Variants in TICRR observed in about 807,000 individuals in gnomAD.
TICRR encodes treslin.
TICRR carries 132 observed loss-of-function variants against 178.1 expected under a neutral mutation model. The ratio of observed to expected loss-of-function variants is 0.74; its 90% confidence interval spans 0.64 to 0.86. The LOEUF (loss-of-function observed/expected upper bound fraction) is 0.86, where lower values mean the gene tolerates loss of function less well. TICRR is among the 40% of genes least tolerant of loss of function. The pLI is 0.00. For synonymous variants in TICRR, 991 were observed against 900.7 expected, an observed-to-expected ratio of 1.10 and a Z score of -1.79; for missense variants, 2,587 against 2,334.3, an observed-to-expected ratio of 1.11 and a Z score of -2.23.
chr15:89,592,003 C>A, intron 4 of TICRR, 44 bp from the exon 5 acceptor site: 1 of 1,577,756 alleles, frequency 6.3e-7, no homozygotes, highest in South Asian at 1.1e-5. Context: ...TGCTTTGGTT[C>A]TCATGCTGTT....
At chr15:89,576,533 G>T (rs1962617920) in intron 1 of TICRR, among the ~76,000 whole-genome samples, 1 of 151,852 alleles carries the variant, frequency 6.6e-6, no homozygotes, top group Non-Finnish European at 1.5e-5. Flanking sequence ...AAATCAACAG[G>T]TCTGGACTGC....
rs1449403811 is a variant in TICRR at position 89,625,456 on chromosome 15, C to T, written c.5146C>T (p.Leu1716Phe). ...GADLPGSLSL[L>F]ESEGKDHGLE... is the part of the protein sequence containing the mutation. ...AGACCTTCCTGGGAGCCTGTCACTG[C>T]TTGAGTCAGAGGGCAAGGACCACGG... Residue 1716 changes from leucine (L) to phenylalanine (F), a missense_variant, in exon 20 of 22, where the codon CTT becomes TTT. By Grantham distance (22) the Leu-to-Phe change is conservative. Transcript: ENST00000268138. 3 of 1,613,862 alleles carry T rather than the reference C, an allele frequency of 1.9e-6. No individual in the cohort carries two copies. Among genetic ancestry groups the T allele is most frequent in the Non-Finnish European group, 2.5e-6 (3 of 1,180,008 alleles).
intron 1 of TICRR, among the ~76,000 whole-genome samples, chr15:89,576,926 T>C (rs1347160374): frequency 6.6e-6 from 1 of 150,722 alleles, no homozygotes; most frequent in Non-Finnish European, 1.5e-5. Context: ...TTATTATTTT[T>C]TGAGACAGTG....
At chr15:89,599,927 G>T (rs1303556407) in intron 8 of TICRR, among the ~76,000 whole-genome samples, 1 of 152,162 alleles carries the variant, frequency 6.6e-6, no homozygotes, top group Non-Finnish European at 1.5e-5. Flanking sequence ...CCAACATGGT[G>T]AAACCCCGTC....
At chr15:89,606,900 C>A in intron 14 of TICRR, 75 bp downstream of exon 14, 1 of 1,310,822 alleles carries the variant, frequency 7.6e-7, no homozygotes. Flanking sequence ...ATTTAAGCAG[C>A]TGCTTACAGG....
At chr15:89,578,077 A>G (rs1962657421) in intron 1 of TICRR, among the ~76,000 whole-genome samples, 4 of 152,186 alleles carry the variant, frequency 2.6e-5, no homozygotes, top group Admixed American at 2.6e-4. Flanking sequence ...CCTAGTAGGC[A>G]AGGGGAGCAG....
At chr15:89,611,310 A>C (rs190489727) in intron 15 of TICRR, among the ~76,000 whole-genome samples, 1 of 152,122 alleles carries the variant, frequency 6.6e-6, no homozygotes, top group Non-Finnish European at 1.5e-5. Context: ...AGGACTTCAA[A>C]TGTGACATCC....
Position 89,616,464 on chromosome 15 carries a change from A to G in TICRR, c.2929A>G (p.Lys977Glu). The G allele has an allele frequency of 6.2e-7, 1 of 1,613,968 alleles. No individual in the cohort carries two copies. The highest frequency in any genetic ancestry group is 8.5e-7 in the Non-Finnish European group (1 of 1,179,860). ...AETPVHKQIS[K>E]RLLHRQIKGR... The stretch of plus-strand genomic sequence containing the variant: ...GACTCCAGTGCATAAGCAGATCTCC[A>G]AAAGGCTGCTGCACAGACAAATCAA... The change falls in exon 16 of 22, where the codon AAA becomes GAA. Residue 977 changes from lysine (K) to glutamate (E), a missense_variant. By Grantham distance (56) the Lys-to-Glu change is moderately conservative. Coordinates refer to ENST00000268138, the MANE Select transcript of TICRR (RefSeq NM_152259.4).
At position 89,576,000 on chromosome 15, in the gene TICRR, C is replaced by A. The variant is rs767636964; in HGVS notation, c.414C>A (p.Ser138Arg). Residue 138 changes from serine (S) to arginine (R), a missense_variant, in exon 1 of 22, where the codon AGC becomes AGA. Coordinates refer to ENST00000268138, the MANE Select transcript of TICRR (RefSeq NM_152259.4). Reference sequence around the variant, plus strand: ...GGAGGAGACTGCTGGACGTGGAGAGCGAGGCCAAGGAGGCCGAGGCCGCGC... The same window carrying A: ...GGAGGAGACTGCTGGACGTGGAGAGAGAGGCCAAGGAGGCCGAGGCCGCGC... The part of the protein sequence containing the change: ...SSGRRLLDVE[S>R]EAKEAEAALG... The A allele has an allele frequency of 1.2e-6, 2 of 1,607,332 alleles. No homozygotes were observed. Among genetic ancestry groups the A allele is most frequent in the South Asian group, 1.1e-5 (1 of 90,466 alleles).
At chr15:89,609,981 G>T (rs755800787) in intron 15 of TICRR, among the ~76,000 whole-genome samples, 1 of 152,076 alleles carries the variant, frequency 6.6e-6, no homozygotes, top group Admixed American at 6.5e-5. Context: ...AATTTCCCTT[G>T]TGATTTCTTC....
At position 89,575,988 on chromosome 15, in the gene TICRR, G is replaced by A. The variant is rs370178732; in HGVS notation, c.402G>A (p.Leu134=). The change falls in exon 1 of 22, where the codon CTG becomes CTA. Residue 134 remains leucine, a synonymous_variant. Coordinates refer to ENST00000268138, the MANE Select transcript of TICRR (RefSeq NM_152259.4). ...TGCGGAGCAGCGGGAGGAGACTGCT[G>A]GACGTGGAGAGCGAGGCCAAGGAGG... ...PILRSSGRRL[L]DVESEAKEAE... 53 of 1,606,744 alleles carry A rather than the reference G, an allele frequency of 3.3e-5. No homozygotes were observed. In the African/African-American group the frequency reaches 6.5e-4, roughly 20 times the overall value.
intron 15 of TICRR, among the ~76,000 whole-genome samples, chr15:89,609,704 A>C (rs1175279508): frequency 6.6e-6 from 1 of 151,706 alleles, no homozygotes; most frequent in Non-Finnish European, 1.5e-5. Flanking sequence ...CCAACTCCTG[A>C]CCTCAAGTGA....
chr15:89,617,689 C>CTT (rs35732953), intron 16 of TICRR, among the ~76,000 whole-genome samples: 1,635 of 98,744 alleles, frequency 0.017, 57 homozygotes, highest in African/African-American at 0.058. Context: ...ACCCAGCTAT[C>CTT]TTTTTTTTTT....
chr15:89,605,523 CTACTTTT>C (rs1963162185), intron 13 of TICRR, among the ~76,000 whole-genome samples: 1 of 152,108 alleles, frequency 6.6e-6, no homozygotes, highest in Non-Finnish European at 1.5e-5. Context: ...CCACGCCTGG[CTACTTTT>C]TGTATTTTTT....
chr15:89,606,961 C>T, intron 14 of TICRR, 136 bp downstream of exon 14: 1 of 627,418 alleles, frequency 1.6e-6, no homozygotes, highest in Non-Finnish European at 2.8e-6. Context: ...TGTCCAAATA[C>T]CATGGACATA....
In TICRR at chr15:89,595,624, G is replaced by A. The variant is rs370964559; in HGVS notation, c.1900+13G>A. 212 of 1,602,690 alleles carry A rather than the reference G, an allele frequency of 1.3e-4. No individual in the cohort carries two copies. The highest frequency in any genetic ancestry group is 1.6e-4 in the Non-Finnish European group (190 of 1,171,824). On this transcript the variant is annotated intron_variant, in intron 7 of 21. Transcript: ENST00000268138. The stretch of plus-strand genomic sequence containing the variant: ...TCTAAACCTAAAGGTATTCCTCTTA[G>A]TCTATAATTTACTCTTTTATACCCC...
chr15:89,599,221 T>G (rs1963052063), intron 7 of TICRR, 103 bp from the exon 8 acceptor site: 7 of 918,466 alleles, frequency 7.6e-6, no homozygotes, highest in Non-Finnish European at 1.1e-5. Flanking sequence ...GGCCAAATGT[T>G]CCCTGCAAGG....
In TICRR at chr15:89,575,785, G is replaced by A. The variant is rs1479785008; in HGVS notation, c.199G>A (p.Glu67Lys). The change falls in exon 1 of 22, where the codon GAG becomes AAG. Residue 67 changes from glutamate to lysine, a missense_variant. Glu to Lys is a moderately conservative substitution (Grantham distance 56). Coordinates refer to ENST00000268138, the MANE Select transcript of TICRR (RefSeq NM_152259.4). ...SRPSRVSDFR[E>K]LGSRSWEDFE... is the part of the protein sequence containing the mutation. ...GCCGTCCCGCGTGTCTGACTTCCGCGAGCTGGGGTCCCGCTCGTGGGAGGA... is the reference window on the plus strand; with the variant it reads ...GCCGTCCCGCGTGTCTGACTTCCGCAAGCTGGGGTCCCGCTCGTGGGAGGA... 2 of 1,607,928 alleles carry A rather than the reference G, an allele frequency of 1.2e-6. No individual in the cohort carries two copies. Among genetic ancestry groups the A allele is most frequent in the Non-Finnish European group, 8.5e-7 (1 of 1,178,302 alleles).
chr15:89,592,281 A>G, intron 5 of TICRR, 105 bp downstream of exon 5: 1 of 898,240 alleles, frequency 1.1e-6, no homozygotes, highest in South Asian at 2.4e-5. Flanking sequence ...GTCTAATAAT[A>G]TTAAAAAGTA....
Sources: gnomAD v4.1 joint callset for allele counts (sites outside exome capture counted in the v4.1 genomes callset) on GRCh38, gnomAD v4.1.1 for gene constraint, MANE v1.5 for transcripts, NCBI Gene and HGNC (gene_info 2026-07-23, HGNC 2026-07-21) for gene names.